KCTD16: variants seen among roughly 807,000 people sequenced by gnomAD.
The protein encoded by KCTD16 is BTB/POZ domain-containing protein KCTD16.
In KCTD16, 13 loss-of-function variants were observed where a neutral mutation model predicts 33.2. That is an observed-to-expected ratio of 0.39 (90% CI 0.25 to 0.62). The LOEUF is 0.62. KCTD16 is among the 20% of genes least tolerant of loss of function. KCTD16 has a pLI of 0.50. For missense variants in KCTD16, 441 were observed against 525.1 expected, an observed-to-expected ratio of 0.84 and a Z score of 1.57; for synonymous variants, 197 against 195.3, an observed-to-expected ratio of 1.01 and a Z score of -0.07.
At chr5:144,182,195 G>T (rs1436716903) in intron 2 of KCTD16, among the ~76,000 whole-genome samples, 4 of 152,122 alleles carry the variant, frequency 2.6e-5, no homozygotes, top group Admixed American at 2.6e-4. Flanking sequence ...TCCTAATAAG[G>T]TTATCCCCAT....
intron 3 of KCTD16, among the ~76,000 whole-genome samples, chr5:144,455,524 A>G (rs1754041835): frequency 6.6e-6 from 1 of 152,190 alleles, no homozygotes; most frequent in South Asian, 2.1e-4. Flanking sequence ...ACAGAGTTCC[A>G]TGTGGGGCAA....
At chr5:144,196,662 C>G (rs1376357393) in intron 2 of KCTD16, among the ~76,000 whole-genome samples, 1 of 152,180 alleles carries the variant, frequency 6.6e-6, no homozygotes, top group Non-Finnish European at 1.5e-5. Flanking sequence ...AATCCAGGTT[C>G]TATCAGATAC....
intron 3 of KCTD16, among the ~76,000 whole-genome samples, chr5:144,234,664 A>G (rs148238023): frequency 6.6e-6 from 1 of 152,130 alleles, no homozygotes; most frequent in Non-Finnish European, 1.5e-5. Context: ...ATGGGAATAA[A>G]TTTTCCCACC....
intron 3 of KCTD16, among the ~76,000 whole-genome samples, chr5:144,285,446 T>C (rs568913356): frequency 3.9e-5 from 6 of 152,226 alleles, no homozygotes; most frequent in Non-Finnish European, 8.8e-5. Context: ...CCATTTTCTC[T>C]GCCAGTTCCT....
At chr5:144,243,934 G>A (rs1340661528) in intron 3 of KCTD16, among the ~76,000 whole-genome samples, 2 of 151,914 alleles carry the variant, frequency 1.3e-5, no homozygotes, top group African/African-American at 2.4e-5. Context: ...TAGTAGAGAC[G>A]GGGTTTCACC....
chr5:144,445,659 G>A (rs1753802823), intron 3 of KCTD16, among the ~76,000 whole-genome samples: 2 of 151,842 alleles, frequency 1.3e-5, no homozygotes, highest in African/African-American at 4.8e-5. Flanking sequence ...TGTTATTTTG[G>A]TATAATTTTC....
At position 144,203,780 on chromosome 5, in the gene KCTD16, G is replaced by T. The variant is rs535028599; in HGVS notation, c.-326-2609G>T. Among the ~76,000 whole-genome samples, 4 of 152,270 alleles carry T rather than the reference G, an allele frequency of 2.6e-5. 1 individual carries two copies. The East Asian group carries it at 7.7e-4, about 29-fold the overall frequency. ...AGATTTATTTTGTCTTTGACCTGAT[G>T]TCAACGAAATATTTATTTTGTTGTC... On this transcript the variant is annotated intron_variant, in intron 2 of 3. Coordinates refer to ENST00000512467, the MANE Select transcript of KCTD16 (RefSeq NM_020768.4).
intron 3 of KCTD16, among the ~76,000 whole-genome samples, chr5:144,443,127 G>A (rs918124578): frequency 6.6e-6 from 1 of 152,086 alleles, no homozygotes; most frequent in Non-Finnish European, 1.5e-5. Context: ...GAGAAACGCA[G>A]GCAGGCTGCC....
intron 3 of KCTD16, among the ~76,000 whole-genome samples, chr5:144,230,313 T>C (rs533903908): frequency 3.7e-4 from 56 of 152,342 alleles, no homozygotes; most frequent in Middle Eastern, 6.8e-3. Context: ...TATTGTATCT[T>C]GCCCTTATTA....
intron 3 of KCTD16, among the ~76,000 whole-genome samples, chr5:144,440,242 G>A (rs1753673790): frequency 6.6e-6 from 1 of 152,168 alleles, no homozygotes; most frequent in Admixed American, 6.5e-5. Flanking sequence ...AACACAGGCT[G>A]TTTGAACTAT....
intron 2 of KCTD16, among the ~76,000 whole-genome samples, chr5:144,189,227 T>C (rs2126778734): frequency 1.3e-5 from 2 of 152,276 alleles, no homozygotes; most frequent in Non-Finnish European, 2.9e-5. Flanking sequence ...GCAGAGCAGG[T>C]CACGCCTGTA....
intron 3 of KCTD16, among the ~76,000 whole-genome samples, chr5:144,295,114 T>G (rs1433277808): frequency 6.6e-6 from 1 of 152,202 alleles, no homozygotes; most frequent in African/African-American, 2.4e-5. Context: ...TCACATAAAT[T>G]TATGCAAGTT....
chr5:144,451,460 T>C (rs1382711882), intron 3 of KCTD16, among the ~76,000 whole-genome samples: 1 of 152,244 alleles, frequency 6.6e-6, no homozygotes. Context: ...CAAGACAGAA[T>C]GGCTAAGAAG....
chr5:144,252,878 T>TC (rs1253546091), intron 3 of KCTD16, among the ~76,000 whole-genome samples: 4 of 151,336 alleles, frequency 2.6e-5, no homozygotes, highest in Non-Finnish European at 5.9e-5. Flanking sequence ...TGTTTTTTTT[T>TC]CTCTCATCTT....
At chr5:144,281,945 C>G (rs1224228758) in intron 3 of KCTD16, among the ~76,000 whole-genome samples, 1 of 152,080 alleles carries the variant, frequency 6.6e-6, no homozygotes. Flanking sequence ...TTTGTAATGT[C>G]CCTCTTTATC....
chr5:144,456,257 T>C (rs1258861140), intron 3 of KCTD16, among the ~76,000 whole-genome samples: 2 of 152,144 alleles, frequency 1.3e-5, no homozygotes, highest in African/African-American at 4.8e-5. Flanking sequence ...AGGGATAGAA[T>C]GAGAATAGTG....
intron 3 of KCTD16, among the ~76,000 whole-genome samples, chr5:144,261,584 G>C (rs1755012724): frequency 6.6e-6 from 1 of 152,208 alleles, no homozygotes; most frequent in South Asian, 2.1e-4. Context: ...GTTCAATTAA[G>C]TAACTCAGAA....
At chr5:144,219,857 T>C (rs1440770528) in intron 3 of KCTD16, among the ~76,000 whole-genome samples, 2 of 152,074 alleles carry the variant, frequency 1.3e-5, no homozygotes, top group Admixed American at 6.5e-5. Flanking sequence ...TTACAAATGT[T>C]TGGACCCAGC....
rs555433493 is a variant in KCTD16, at chr5:144,191,939, T to C, written c.-326-14450T>C. ...TGAATTTCTTTCACCATTCATGCTG[T>C]AAAAGGCAGAATAATTAATAATGAA... On this transcript the variant is annotated intron_variant, in intron 2 of 3. Transcript: ENST00000512467. Among the ~76,000 whole-genome samples the C allele has an allele frequency of 3.3e-4, 50 of 152,232 alleles. 1 individual carries two copies. Among genetic ancestry groups the C allele is most frequent in the African/African-American group, 1.2e-3 (50 of 41,524 alleles).
Sources: allele counts gnomAD v4.1 joint callset (sites outside exome capture counted in the v4.1 genomes callset), GRCh38; gene constraint gnomAD v4.1.1; transcripts MANE v1.5; gene names NCBI Gene and HGNC (gene_info 2026-07-23, HGNC 2026-07-21).